MARCHF1: variants seen among roughly 807,000 people sequenced by gnomAD.
MARCHF1 encodes the protein membrane associated ring-CH-type finger 1, also known as E3 ubiquitin-protein ligase MARCHF1.
A neutral mutation model predicts 54.2 loss-of-function variants in MARCHF1; 40 were observed. That is an observed-to-expected ratio of 0.74 (90% CI 0.57 to 0.96). MARCHF1 has a LOEUF of 0.96. Among genes scored for constraint, MARCHF1 ranks in the 40% least tolerant of loss-of-function variants. MARCHF1 has a pLI of 0.00. For synonymous variants in MARCHF1, 236 were observed against 236.3 expected, an observed-to-expected ratio of 1.00 and a Z score of 0.01; for missense variants, 586 against 656.5, an observed-to-expected ratio of 0.89 and a Z score of 1.17.
At chr4:163,802,848 A>C (rs540486473) in intron 4 of MARCHF1, among the ~76,000 whole-genome samples, 9 of 152,218 alleles carry the variant, frequency 5.9e-5, no homozygotes, top group Non-Finnish European at 1.3e-4. Context: ...TGTTCTAATC[A>C]CAGTGAATGT....
intron 4 of MARCHF1, among the ~76,000 whole-genome samples, chr4:163,814,397 G>A (rs1748477947): frequency 1.3e-5 from 2 of 151,968 alleles, no homozygotes; most frequent in African/African-American, 2.4e-5. Flanking sequence ...CCAACACATG[G>A]TGAAACCTTA....
chr4:164,031,181 C>A (rs1354834045), intron 2 of MARCHF1, among the ~76,000 whole-genome samples: 1 of 152,124 alleles, frequency 6.6e-6, no homozygotes, highest in Non-Finnish European at 1.5e-5. Flanking sequence ...AGCTTTTGGT[C>A]ATTCAATTTG....
intron 4 of MARCHF1, among the ~76,000 whole-genome samples, chr4:163,723,089 C>A (rs1402504953): frequency 6.6e-6 from 1 of 152,146 alleles, no homozygotes; most frequent in Non-Finnish European, 1.5e-5. Flanking sequence ...GGTTATTTTG[C>A]TCGTTAGTTG....
chr4:164,142,702 T>A (rs1756579561), intron 1 of MARCHF1, among the ~76,000 whole-genome samples: 1 of 151,974 alleles, frequency 6.6e-6, no homozygotes, highest in Non-Finnish European at 1.5e-5. Context: ...CAAAAGTAGA[T>A]AAAACCACAA....
At chr4:163,634,130 T>C (rs985544845) in intron 5 of MARCHF1, among the ~76,000 whole-genome samples, 8 of 152,074 alleles carry the variant, frequency 5.3e-5, no homozygotes, top group Admixed American at 3.9e-4. Flanking sequence ...CGGTACCAGC[T>C]GCTGCAAAAT....
intron 1 of MARCHF1, among the ~76,000 whole-genome samples, chr4:164,197,873 A>G (rs1231595262): frequency 6.6e-6 from 1 of 152,142 alleles, no homozygotes; most frequent in Non-Finnish European, 1.5e-5. Flanking sequence ...ACTGATAAGT[A>G]ACCTGGGTCA....
chr4:164,049,941 T>C (rs1017825009), intron 2 of MARCHF1, among the ~76,000 whole-genome samples: 3 of 152,206 alleles, frequency 2.0e-5, no homozygotes, highest in African/African-American at 7.2e-5. Flanking sequence ...GTAGTTTCAC[T>C]TGGATGCCTA....
At chr4:163,537,512 A>G (rs114729481) in intron 9 of MARCHF1, among the ~76,000 whole-genome samples, 11 of 152,148 alleles carry the variant, frequency 7.2e-5, no homozygotes, top group Admixed American at 5.2e-4. Flanking sequence ...AATTTGGAAA[A>G]TCTAACTTAG....
chr4:163,936,243 A>G (rs922040084), intron 3 of MARCHF1, among the ~76,000 whole-genome samples: 3 of 152,194 alleles, frequency 2.0e-5, no homozygotes, highest in Non-Finnish European at 4.4e-5. Context: ...ATAATGATGA[A>G]AAAGTTTGAA....
At position 163,929,963 on chromosome 4, in the gene MARCHF1, A is replaced by AT. The variant is rs56692278; in HGVS notation, c.-39+58537_-39+58538insA. On this transcript the variant is annotated intron_variant, in intron 3 of 9. Coordinates refer to ENST00000514618, the MANE Select transcript of MARCHF1 (RefSeq NM_001394959.1). Reference sequence around the variant, plus strand: ...TATTTATATTATATATATTATATATAATATATATAATATATATAATATATA... The same window carrying AT: ...TATTTATATTATATATATTATATATATATATATATAATATATATAATATATA... 8.2e-4 allele frequency among the ~76,000 whole-genome samples: 51 copies of AT among 62,146 alleles called. 1 individual carries two copies. Among genetic ancestry groups the AT allele is most frequent in the South Asian group, 2.7e-3 (5 of 1,852 alleles). 40.8% of individuals were successfully genotyped at this position (62,146 alleles called of 152,430 possible).
rs17044202 is a variant in MARCHF1, at chr4:163,827,413, T to G, written c.111+26608A>C. ...CCAATGACATTATGAAAATAAAATC[T>G]TAGGTCAAATGATTTCTTTAAATAG... On this transcript the variant is annotated intron_variant, in intron 4 of 9. Coordinates refer to ENST00000514618, the MANE Select transcript of MARCHF1 (RefSeq NM_001394959.1). 5.1e-3 allele frequency among the ~76,000 whole-genome samples: 772 copies of G among 152,272 alleles called. 6 individuals carry two copies. Among genetic ancestry groups the G allele is most frequent in the African/African-American group, 0.018 (737 of 41,570 alleles).
At chr4:164,320,602 A>T (rs1315104476) in intron 1 of MARCHF1, among the ~76,000 whole-genome samples, 1 of 152,174 alleles carries the variant, frequency 6.6e-6, no homozygotes, top group African/African-American at 2.4e-5. Flanking sequence ...ATCCCAGATA[A>T]ACATATACAT....
At chr4:163,683,765 A>G (rs543911229) in intron 5 of MARCHF1, among the ~76,000 whole-genome samples, 2 of 152,354 alleles carry the variant, frequency 1.3e-5, no homozygotes, top group East Asian at 3.9e-4. Context: ...GTGGCTTAAA[A>G]TGATGACAAT....
chr4:163,958,372 G>A (rs1365512828), intron 3 of MARCHF1, among the ~76,000 whole-genome samples: 1 of 151,778 alleles, frequency 6.6e-6, no homozygotes, highest in East Asian at 1.9e-4. Flanking sequence ...ACAAAGTTAT[G>A]GACTTTATTC....
intron 3 of MARCHF1, among the ~76,000 whole-genome samples, chr4:163,874,368 C>T (rs1434558866): frequency 6.6e-6 from 1 of 151,836 alleles, no homozygotes; most frequent in Non-Finnish European, 1.5e-5. Flanking sequence ...AGCATGTAGC[C>T]GTTCAATATC....
intron 4 of MARCHF1, among the ~76,000 whole-genome samples, chr4:163,825,111 T>C (rs1385599084): frequency 6.6e-6 from 1 of 151,964 alleles, no homozygotes; most frequent in African/African-American, 2.4e-5. Flanking sequence ...CTTTCCACAT[T>C]CTACCCTCAA....
At chr4:163,995,803 G>A (rs1334594940) in intron 2 of MARCHF1, among the ~76,000 whole-genome samples, 2 of 152,032 alleles carry the variant, frequency 1.3e-5, no homozygotes, top group Non-Finnish European at 2.9e-5. Context: ...AAGGCTAGTA[G>A]ATGGCAGAAA....
intron 1 of MARCHF1, among the ~76,000 whole-genome samples, chr4:164,341,653 G>C (rs1245433141): frequency 2.0e-5 from 3 of 152,114 alleles, no homozygotes; most frequent in Non-Finnish European, 4.4e-5. Context: ...GTGGTGGAAG[G>C]GGTGAAGGGT....
chr4:164,052,076 T>G (rs899975852), intron 2 of MARCHF1, among the ~76,000 whole-genome samples: 2 of 150,422 alleles, frequency 1.3e-5, no homozygotes, highest in African/African-American at 4.9e-5. Flanking sequence ...TTTCTACTAT[T>G]AAAAAAAAGT....
Sources: allele counts gnomAD v4.1 joint callset (sites outside exome capture counted in the v4.1 genomes callset), GRCh38; gene constraint gnomAD v4.1.1; transcripts MANE v1.5; gene names NCBI Gene and HGNC (gene_info 2026-07-23, HGNC 2026-07-21).